Variants in CCDC148 observed in about 807,000 individuals in gnomAD.
CCDC148 encodes the protein coiled-coil domain-containing protein 148.
In CCDC148, 89 loss-of-function variants were observed where a neutral mutation model predicts 85.7. The observed-to-expected ratio is 1.04, with a 90% CI of 0.87 to 1.24. CCDC148 has a LOEUF of 1.24. Ranked by LOEUF, CCDC148 falls within the 50% of genes most tolerant of loss-of-function variation. CCDC148 has a pLI of 0.00. For synonymous variants in CCDC148, 230 were observed against 213.9 expected (o/e 1.08, Z -0.66); for missense variants, 692 against 671.7 (o/e 1.03, Z -0.33).
intron 9 of CCDC148, among the ~76,000 whole-genome samples, chr2:158,277,343 T>C (rs1315406000): frequency 2.6e-5 from 4 of 152,234 alleles, no homozygotes; most frequent in Non-Finnish European, 5.9e-5. Context: ...GAGGTGATAA[T>C]GACCATTCCT....
At chr2:158,394,537 G>T (rs1381784687) in intron 1 of CCDC148, among the ~76,000 whole-genome samples, 3 of 151,822 alleles carry the variant, frequency 2.0e-5, no homozygotes, top group African/African-American at 7.3e-5. Context: ...CAGTACTAAG[G>T]TTTAACAGAT....
intron 11 of CCDC148, among the ~76,000 whole-genome samples, chr2:158,190,249 A>ATT (rs1438784841): frequency 6.6e-6 from 1 of 151,980 alleles, no homozygotes; most frequent in African/African-American, 2.4e-5. Context: ...TTTTGGAGGG[A>ATT]CAGCACAGGC....
At chr2:158,227,716 C>T (rs1019919578) in intron 10 of CCDC148, among the ~76,000 whole-genome samples, 1 of 152,174 alleles carries the variant, frequency 6.6e-6, no homozygotes, top group Non-Finnish European at 1.5e-5. Context: ...AAATGATTCC[C>T]TATTTAATAA....
chr2:158,227,756 A>G lies in CCDC148; in HGVS notation c.1252-7043T>C, dbSNP rs191506194. ...TGCTGGGAAAACTGGCTAGCCATAT[A>G]TAGAAAGCTGAAACTGGATCCCTTC... On this transcript the variant is annotated intron_variant, in intron 10 of 13. Transcript: ENST00000283233. Among the ~76,000 whole-genome samples the G allele has an allele frequency of 7.4e-3, 1,126 of 152,268 alleles. 11 individuals are homozygous for G. The highest frequency in any genetic ancestry group is 0.025 in the African/African-American group (1,055 of 41,556).
At chr2:158,187,457 GA>G (rs1685208128) in intron 11 of CCDC148, among the ~76,000 whole-genome samples, 1 of 151,684 alleles carries the variant, frequency 6.6e-6, no homozygotes, top group Admixed American at 6.6e-5. Flanking sequence ...TTTCTTAACT[GA>G]GGAAGCCATA....
chr2:158,332,180 G>T (rs186956245), intron 7 of CCDC148, among the ~76,000 whole-genome samples: 294 of 152,062 alleles, frequency 1.9e-3, no homozygotes, highest in African/African-American at 6.6e-3. Context: ...TTTCCTTCAG[G>T]AGCTCTTTTA....
Position 158,340,300 on chromosome 2 carries a change from T to C in CCDC148, c.428A>G (p.His143Arg). The C allele has an allele frequency of 6.2e-7, 1 of 1,613,980 alleles. No individual in the cohort carries two copies. Among genetic ancestry groups the C allele is most frequent in the South Asian group, 1.1e-5 (1 of 91,078 alleles). Reference protein sequence around the residue: ...LRADLKYRQHHTLQHSHPHIE... With the variant: ...LRADLKYRQHRTLQHSHPHIE... ...ATGTGGGTGTGAATGCTGCAAAGTGTGATGCTGTCTGTATTTTAGATCTGC... is the reference window on the plus strand; with the variant it reads ...ATGTGGGTGTGAATGCTGCAAAGTGCGATGCTGTCTGTATTTTAGATCTGC... The change falls in exon 5 of 14, where the codon CAC becomes CGC. Residue 143 changes from histidine to arginine, a missense_variant. His to Arg is a conservative substitution (Grantham distance 29). Coordinates refer to ENST00000283233, the MANE Select transcript of CCDC148 (RefSeq NM_138803.4).
chr2:158,387,804 T>G (rs372681490), intron 1 of CCDC148, among the ~76,000 whole-genome samples: 2 of 152,258 alleles, frequency 1.3e-5, no homozygotes, highest in African/African-American at 4.8e-5. Context: ...ACCCCCACCT[T>G]GCTTGTGCTC....
intron 1 of CCDC148, among the ~76,000 whole-genome samples, chr2:158,371,442 A>G (rs1408316631): frequency 6.6e-6 from 1 of 152,088 alleles, no homozygotes; most frequent in Admixed American, 6.6e-5. Flanking sequence ...TAAGATTTTC[A>G]GTCCTACTTG....
intron 9 of CCDC148, among the ~76,000 whole-genome samples, chr2:158,253,388 T>G (rs2105144413): frequency 1.3e-5 from 2 of 151,774 alleles, no homozygotes; most frequent in East Asian, 3.9e-4. Context: ...ATGGAGTGAC[T>G]CAAAGTACCC....
chr2:158,179,166 ATTTTT>A (rs10699879), intron 11 of CCDC148, among the ~76,000 whole-genome samples, 170 bp from the exon 12 acceptor site: 6 of 82,806 alleles, frequency 7.2e-5, no homozygotes, highest in Admixed American at 1.9e-4. Context: ...ATAAAATGCA[ATTTTT>A]TTTTTTTTTT....
At chr2:158,236,007 G>C (rs1322743196) in intron 10 of CCDC148, 2 of 152,270 alleles carry the variant, frequency 1.3e-5, no homozygotes, top group African/African-American at 2.4e-5. Flanking sequence ...AAAAGCCAGA[G>C]GGCAAGGAAG....
At chr2:158,391,563 A>C (rs1685309903) in intron 1 of CCDC148, among the ~76,000 whole-genome samples, 1 of 152,184 alleles carries the variant, frequency 6.6e-6, no homozygotes, top group Non-Finnish European at 1.5e-5. Context: ...TTGCCTCAGC[A>C]CTTATTATTA....
chr2:158,292,591 T>G (rs1180753545), intron 9 of CCDC148, among the ~76,000 whole-genome samples: 5 of 152,168 alleles, frequency 3.3e-5, no homozygotes, highest in Non-Finnish European at 5.9e-5. Context: ...TTCTAACCAA[T>G]TATTCCTTCA....
intron 1 of CCDC148, among the ~76,000 whole-genome samples, chr2:158,384,921 G>T (rs1685022829): frequency 6.6e-6 from 1 of 152,138 alleles, no homozygotes; most frequent in Non-Finnish European, 1.5e-5. Context: ...TCACCAGCCT[G>T]AGTTATTTTC....
intron 10 of CCDC148, among the ~76,000 whole-genome samples, chr2:158,226,820 C>T (rs1687563647): frequency 6.6e-6 from 1 of 152,024 alleles, no homozygotes. Flanking sequence ...ATAATAAGAG[C>T]TATCTATGAC....
intron 11 of CCDC148, among the ~76,000 whole-genome samples, chr2:158,201,842 T>C (rs1388486098): frequency 6.6e-6 from 1 of 152,220 alleles, no homozygotes; most frequent in Non-Finnish European, 1.5e-5. Context: ...CTAATTGATA[T>C]TATGGAATTA....
chr2:158,207,544 T>C (rs1002173058), intron 11 of CCDC148: 11 of 152,208 alleles, frequency 7.2e-5, no homozygotes, highest in Non-Finnish European at 1.5e-4. Flanking sequence ...AATGGTTACA[T>C]TGACTTAAGA....
intron 11 of CCDC148, among the ~76,000 whole-genome samples, chr2:158,212,614 A>C (rs544453363): frequency 1.3e-5 from 2 of 152,300 alleles, no homozygotes; most frequent in African/African-American, 4.8e-5. Flanking sequence ...CCTAAACTTC[A>C]AATGTTTACT....
Sources: gnomAD v4.1 joint callset for allele counts (sites outside exome capture counted in the v4.1 genomes callset) on GRCh38, gnomAD v4.1.1 for gene constraint, MANE v1.5 for transcripts, NCBI Gene and HGNC (gene_info 2026-07-23, HGNC 2026-07-21) for gene names.